The following SOCS7 variants were observed in gnomAD, a reference collection of about 807,000 sequenced individuals.
SOCS7 encodes suppressor of cytokine signaling 7.
SOCS7 carries 18 observed loss-of-function variants against 58.9 expected under a neutral mutation model. The observed-to-expected ratio is 0.31, with a 90% CI of 0.21 to 0.45. The LOEUF (loss-of-function observed/expected upper bound fraction) is 0.45. Among genes scored for constraint, SOCS7 ranks in the 20% least tolerant of loss-of-function variants. The pLI is 1.00. For missense variants in SOCS7, 667 were observed against 837.3 expected (o/e 0.80, Z 2.51); for synonymous variants, 388 against 364.3 (o/e 1.06, Z -0.74).
chr17:38,377,897 G>C, intron 7 of SOCS7, 55 bp downstream of exon 7: 1 of 1,563,016 alleles, frequency 6.4e-7, no homozygotes, highest in African/African-American at 1.4e-5. Context: ...ATCCAGTTTA[G>C]TGTCAAAAAA....
At chr17:38,390,314 T>C (rs574342655) in intron 7 of SOCS7, among the ~76,000 whole-genome samples, 1 of 152,278 alleles carries the variant, frequency 6.6e-6, no homozygotes, top group Non-Finnish European at 1.5e-5. Flanking sequence ...TTGATTCCTA[T>C]AGTTTTGTAG....
rs563537731 is a variant in SOCS7 at position 38,402,803 on chromosome 17, A to C, written c.*3321A>C. On this transcript the variant is annotated 3_prime_UTR_variant, in exon 10 of 10. Transcript: ENST00000612932. ...GGAAAAGGCTTACATCTAGGGACCC[A>C]CTGTTGATTCCTAAGTTGTGGGTGG... is the stretch of plus-strand genomic sequence containing the variant. The C allele has an allele frequency of 5.4e-4, 82 of 152,232 alleles. No homozygotes were observed. Among genetic ancestry groups the C allele is most frequent in the African/African-American group, 1.9e-3 (77 of 41,552 alleles). The allele number at this position is 152,232 out of a possible 1,614,324, so 9.4% of individuals were successfully genotyped here. A position where few individuals can be genotyped will look rare whatever the true frequency, so the allele number is the denominator to read the frequency against.
At chr17:38,396,617 C>T (rs2038248371) in intron 9 of SOCS7, among the ~76,000 whole-genome samples, 1 of 152,370 alleles carries the variant, frequency 6.6e-6, no homozygotes, top group African/African-American at 2.4e-5. Context: ...CCCATCATTA[C>T]ACAGTTCTAC....
chr17:38,388,479 A>C (rs2038109533), intron 7 of SOCS7, among the ~76,000 whole-genome samples: 1 of 152,156 alleles, frequency 6.6e-6, no homozygotes, highest in African/African-American at 2.4e-5. Flanking sequence ...AGATCACACC[A>C]CTGTACTTCA....
chr17:38,395,295 T>C lies in SOCS7; in HGVS notation c.1682-14T>C. On this transcript the variant is annotated splice_polypyrimidine_tract_variant and intron_variant, in intron 7 of 9. Coordinates refer to ENST00000612932, the MANE Select transcript of SOCS7 (RefSeq NM_014598.4). ...GTTTCCTCTGAATACTTTCCTTTGTTTTCTTTCTTGAAGGACTGCCACCAA... is the reference window on the plus strand; with the variant it reads ...GTTTCCTCTGAATACTTTCCTTTGTCTTCTTTCTTGAAGGACTGCCACCAA... The C allele has an allele frequency of 6.2e-7, 1 of 1,613,038 alleles. No homozygotes were observed. Among genetic ancestry groups the C allele is most frequent in the Non-Finnish European group, 8.5e-7 (1 of 1,179,226 alleles).
At chr17:38,396,497 G>A (rs979783801) in intron 9 of SOCS7, among the ~76,000 whole-genome samples, 1 of 152,192 alleles carries the variant, frequency 6.6e-6, no homozygotes, top group Non-Finnish European at 1.5e-5. Flanking sequence ...CCACAGCTTG[G>A]AATATGGGGA....
intron 7 of SOCS7, among the ~76,000 whole-genome samples, chr17:38,390,646 T>C (rs1259549827): frequency 1.1e-5 from 1 of 94,314 alleles, no homozygotes; most frequent in African/African-American, 3.5e-5. Context: ...TCGTTTTCCT[T>C]CCTTCCTTCC....
intron 7 of SOCS7, among the ~76,000 whole-genome samples, chr17:38,381,962 A>C (rs1175955955): frequency 2.7e-5 from 4 of 149,528 alleles, no homozygotes; most frequent in Non-Finnish European, 4.4e-5. Context: ...AAAAAAAAAA[A>C]AAAAAAAAAA....
chr17:38,353,906 A>C (rs1389558706), intron 1 of SOCS7, among the ~76,000 whole-genome samples: 1 of 152,218 alleles, frequency 6.6e-6, no homozygotes, highest in East Asian at 1.9e-4. Context: ...AGCTTGCGTG[A>C]CAGAGTGAGA....
At position 38,361,763 on chromosome 17, in the gene SOCS7, C is replaced by T. The variant is rs770960071; in HGVS notation, c.1033C>T (p.Pro345Ser). The change falls in exon 2 of 10, where the codon CCC becomes TCC. Residue 345 changes from proline to serine, a missense_variant. Transcript: ENST00000612932. Reference protein sequence around the residue: ...QSAFSPVSFSPLFTGETVSLV... With the variant: ...QSAFSPVSFSSLFTGETVSLV... ...TGCCTTTTCTCCGGTCTCCTTCAGC[C>T]CCCTGTTCACAGGTAAGGGTAATAT... 102 of 1,612,074 alleles carry T rather than the reference C, an allele frequency of 6.3e-5. No individual in the cohort carries two copies. Among genetic ancestry groups the T allele is most frequent in the Non-Finnish European group, 8.3e-5 (98 of 1,178,892 alleles).
At chr17:38,378,553 A>G (rs1433487343) in intron 7 of SOCS7, among the ~76,000 whole-genome samples, 4 of 152,122 alleles carry the variant, frequency 2.6e-5, no homozygotes, top group Non-Finnish European at 4.4e-5. Flanking sequence ...CCAGTTGCAC[A>G]TTGCACTCTG....
chr17:38,361,858 A>G (rs1180782382), intron 2 of SOCS7, 83 bp downstream of exon 2: 2 of 961,330 alleles, frequency 2.1e-6, no homozygotes, highest in Non-Finnish European at 3.2e-6. Flanking sequence ...CAGATGCATC[A>G]CAGGGAGCTG....
Position 38,352,978 on chromosome 17 carries a change from C to T in SOCS7, c.926C>T (p.Ala309Val), listed in dbSNP as rs759178624. Residue 309 changes from alanine (A) to valine (V), a missense_variant, in exon 1 of 10, where the codon GCT (alanine) becomes GTT (valine). Physicochemically the swap from Ala to Val is moderately conservative, Grantham distance 64. Coordinates refer to ENST00000612932, the MANE Select transcript of SOCS7 (RefSeq NM_014598.4). This position sits in a 1 kb window ranked among gnomAD's most constrained non-coding sequence, Gnocchi z 5.5. ...CCTTCTGGAGAGCTGGCTGCTTCAG[C>T]TGCGAGCCTGACAGACATGGGAGGC... The part of the protein sequence containing the change: ...KRPSGELAAS[A>V]ASLTDMGGSA... The T allele has an allele frequency of 3.1e-6, 5 of 1,606,260 alleles. No homozygotes were observed. The highest frequency in any genetic ancestry group is 1.3e-5 in the African/African-American group (1 of 74,918).
chr17:38,368,136 G>A, intron 6 of SOCS7, 86 bp downstream of exon 6: 1 of 1,225,520 alleles, frequency 8.2e-7, no homozygotes, highest in South Asian at 1.5e-5. Context: ...GAGATTCATA[G>A]GAATGGAACT....
intron 5 of SOCS7, among the ~76,000 whole-genome samples, chr17:38,367,325 A>G (rs1555568526): frequency 6.6e-6 from 1 of 151,250 alleles, no homozygotes; most frequent in Admixed American, 6.6e-5. Context: ...TTGGCCTCCC[A>G]AAGTGCTGGG....
Position 38,361,692 on chromosome 17 carries a change from C to T in SOCS7, c.981-19C>T. 6.2e-7 allele frequency: 1 copy of T among 1,604,450 alleles called. No individual in the cohort carries two copies. The highest frequency in any genetic ancestry group is 8.5e-7 in the Non-Finnish European group (1 of 1,171,448). On this transcript the variant is annotated intron_variant, in intron 1 of 9. Coordinates refer to ENST00000612932, the MANE Select transcript of SOCS7 (RefSeq NM_014598.4). ...TTCATTTCTCCCCTCTATTCTCTCT[C>T]TGCTTTCTCACTCCCTAGGAAACCC...
intron 7 of SOCS7, among the ~76,000 whole-genome samples, chr17:38,386,265 A>C (rs546223039): frequency 6.7e-6 from 1 of 148,732 alleles, no homozygotes; most frequent in East Asian, 2.0e-4. Flanking sequence ...CGGAGGTTGC[A>C]ATGAGCCAAG....
chr17:38,367,871 G>A lies in SOCS7; in HGVS notation c.1384-11G>A, dbSNP rs377748962. ...CCTGATAACTAGTGGACTGCTTCTT[G>A]TCTTTGATAGTGTGGTTGGTATTGG... is the stretch of plus-strand genomic sequence containing the variant. On this transcript the variant is annotated splice_polypyrimidine_tract_variant and intron_variant, in intron 5 of 9. Transcript: ENST00000612932. 1.3e-5 allele frequency: 21 copies of A among 1,612,810 alleles called. No individual in the cohort carries two copies. In the Middle Eastern group the frequency reaches 5.0e-4, roughly 38 times the overall value.
intron 6 of SOCS7, among the ~76,000 whole-genome samples, chr17:38,376,352 C>G (rs1199852366): frequency 6.6e-6 from 1 of 152,140 alleles, no homozygotes; most frequent in Non-Finnish European, 1.5e-5. Flanking sequence ...TGGGAGGAAA[C>G]CAGCATACCC....
Sources: gnomAD v4.1 joint callset for allele counts (sites outside exome capture counted in the v4.1 genomes callset) on GRCh38, gnomAD v4.1.1 for gene constraint, Gnocchi (gnomAD v3.1) non-coding constraint, MANE v1.5 for transcripts, NCBI Gene and HGNC (gene_info 2026-07-23, HGNC 2026-07-21) for gene names.